IL1RAPL1: variants seen among roughly 807,000 people sequenced by gnomAD.
The protein encoded by IL1RAPL1 is interleukin 1 receptor accessory protein like 1.
Under a neutral mutation model 48.4 loss-of-function variants are expected in IL1RAPL1, and 3 were observed. That is an observed-to-expected ratio of 0.06 (90% CI 0.03 to 0.16). IL1RAPL1 has a LOEUF of 0.16. IL1RAPL1 is among the 10% of genes least tolerant of loss of function. The probability of loss-of-function intolerance (pLI) is 1.00; values close to 1 mark genes in which losing one functional copy is unlikely to be tolerated. For missense variants in IL1RAPL1, 349 were observed against 530.6 expected, an observed-to-expected ratio of 0.66 and a Z score of 3.36; for synonymous variants, 185 against 187.7, an observed-to-expected ratio of 0.99 and a Z score of 0.12.
At chrX:29,392,630 T>C (rs757253638) in intron 3 of IL1RAPL1, among the ~76,000 whole-genome samples, 2 of 112,283 alleles carry the variant, frequency 1.8e-5, no homozygotes, top group Non-Finnish European at 3.8e-5. Context: ...CAGACACTCA[T>C]CTCACAGAGC....
At chrX:28,742,017 G>A (rs929882713) in intron 1 of IL1RAPL1, among the ~76,000 whole-genome samples, 3 of 111,076 alleles carry the variant, frequency 2.7e-5, no homozygotes, top group Non-Finnish European at 3.8e-5. Context: ...TTAGATTGGC[G>A]TAAGTGAACA....
At chrX:28,673,194 C>T (rs1376041564) in intron 1 of IL1RAPL1, among the ~76,000 whole-genome samples, 2 of 111,874 alleles carry the variant, frequency 1.8e-5, no homozygotes, top group African/African-American at 3.3e-5. Context: ...TAAGGCTGCA[C>T]AGCTACATCT....
At chrX:28,589,029 T>G (rs1933879915) in intron 1 of IL1RAPL1, among the ~76,000 whole-genome samples, 1 of 111,823 alleles carries the variant, frequency 8.9e-6, no homozygotes, top group African/African-American at 3.3e-5. Flanking sequence ...CTAAGGATGT[T>G]TAAGCATATT....
chrX:29,581,750 T>C (rs941868689), intron 5 of IL1RAPL1, among the ~76,000 whole-genome samples: 1 of 110,962 alleles, frequency 9.0e-6, no homozygotes, highest in African/African-American at 3.3e-5. Flanking sequence ...TTGCTCCTTC[T>C]GCACCCTCTC....
chrX:29,197,052 C>T (rs1930457669), intron 2 of IL1RAPL1, among the ~76,000 whole-genome samples: 1 of 110,409 alleles, frequency 9.1e-6, no homozygotes. Context: ...CACATACTTT[C>T]CTTATTCTGT....
chrX:29,802,944 T>C (rs1364665855), intron 6 of IL1RAPL1, among the ~76,000 whole-genome samples: 15 of 90,340 alleles, frequency 1.7e-4, no homozygotes, highest in African/African-American at 6.2e-4. Flanking sequence ...TGTACATATG[T>C]ATGCATATAT....
intron 2 of IL1RAPL1, among the ~76,000 whole-genome samples, chrX:28,795,275 AAAT>A (rs1191922536): frequency 3.6e-5 from 4 of 111,998 alleles, no homozygotes; most frequent in Admixed American, 2.8e-4. Flanking sequence ...TCCTTAAATA[AAAT>A]AATAAGTCTA....
At chrX:29,209,118 T>G (rs1930722895) in intron 2 of IL1RAPL1, among the ~76,000 whole-genome samples, 1 of 112,044 alleles carries the variant, frequency 8.9e-6, no homozygotes, top group African/African-American at 3.2e-5. Flanking sequence ...ACTTTTGTCA[T>G]TGTTTTGATA....
chrX:29,002,057 G>T, intron 2 of IL1RAPL1, among the ~76,000 whole-genome samples: 3 of 108,960 alleles, frequency 2.8e-5, no homozygotes, highest in Non-Finnish European at 5.7e-5. Context: ...CACTATGTCC[G>T]GCTAATTTTT....
chrX:29,163,821 T>C (rs992828784), intron 2 of IL1RAPL1, among the ~76,000 whole-genome samples: 9 of 112,069 alleles, frequency 8.0e-5, no homozygotes, highest in Non-Finnish European at 1.5e-4. Context: ...ATAAATGATA[T>C]TTTCAGCTAA....
chrX:29,093,446 T>C (rs1249882667), intron 2 of IL1RAPL1, among the ~76,000 whole-genome samples: 2 of 111,279 alleles, frequency 1.8e-5, no homozygotes, highest in Non-Finnish European at 3.8e-5. Flanking sequence ...TCCAGTCACC[T>C]CCCACCAGGC....
intron 5 of IL1RAPL1, among the ~76,000 whole-genome samples, chrX:29,442,029 C>T (rs1453294204): frequency 9.0e-6 from 1 of 111,643 alleles, no homozygotes; most frequent in Non-Finnish European, 1.9e-5. Flanking sequence ...CTGGTTTGTA[C>T]AGTGTAATGT....
chrX:29,264,457 A>G (rs1226895057), intron 2 of IL1RAPL1, among the ~76,000 whole-genome samples: 1 of 110,765 alleles, frequency 9.0e-6, no homozygotes. Flanking sequence ...AAGAAGGGAA[A>G]TTTACTAAGT....
rs982890189 is a variant in IL1RAPL1, at chrX:29,889,349, C to T, written c.779-28115C>T. ...CCTTCTAATTTATCTTGCATATTTC[C>T]ACCAGTTTGAAATTTGCACTTCAAA... On this transcript the variant is annotated intron_variant, in intron 6 of 10. Coordinates refer to ENST00000378993, the MANE Select transcript of IL1RAPL1 (RefSeq NM_014271.4). Among the ~76,000 whole-genome samples the T allele has an allele frequency of 2.7e-5, 3 of 111,624 alleles. No homozygotes were observed. The Admixed American group carries it at 2.9e-4, about 11-fold the overall frequency.
At chrX:29,127,883 G>A (rs754431690) in intron 2 of IL1RAPL1, among the ~76,000 whole-genome samples, 38 of 108,884 alleles carry the variant, frequency 3.5e-4, no homozygotes, top group Non-Finnish European at 5.7e-4. Context: ...AGAATTGCTC[G>A]AACCCGGGAG....
At chrX:28,622,073 G>A (rs1448602222) in intron 1 of IL1RAPL1, among the ~76,000 whole-genome samples, 2 of 110,965 alleles carry the variant, frequency 1.8e-5, no homozygotes, top group Non-Finnish European at 1.9e-5. Context: ...AATATACAAC[G>A]TTAAGCTAGA....
rs1925569069 is a variant in IL1RAPL1, at chrX:29,653,219, G to A, written c.704-15211G>A. On this transcript the variant is annotated intron_variant, in intron 5 of 10. Transcript: ENST00000378993. ...TTTTAAATTAACTCTTGTTAGTATG[G>A]ACAATTTTAGCTATAATATTCACAA... Among the ~76,000 whole-genome samples the A allele has an allele frequency of 2.7e-5, 3 of 111,949 alleles. No homozygotes were observed. In the South Asian group the frequency reaches 1.1e-3, roughly 41 times the overall value.
chrX:28,857,657 G>T (rs1884323876), intron 2 of IL1RAPL1, among the ~76,000 whole-genome samples: 1 of 111,268 alleles, frequency 9.0e-6, no homozygotes, highest in Non-Finnish European at 1.9e-5. Context: ...TGCATCCATT[G>T]TTGAGACCTA....
intron 6 of IL1RAPL1, among the ~76,000 whole-genome samples, chrX:29,678,027 A>G (rs1303557660): frequency 9.0e-6 from 1 of 111,683 alleles, no homozygotes; most frequent in Non-Finnish European, 1.9e-5. Flanking sequence ...TAAAAGGAAC[A>G]TCTTGTATTT....
Sources: allele counts gnomAD v4.1 joint callset (sites outside exome capture counted in the v4.1 genomes callset), GRCh38; gene constraint gnomAD v4.1.1; transcripts MANE v1.5; gene names NCBI Gene and HGNC (gene_info 2026-07-23, HGNC 2026-07-21).